The following CEP112 variants were observed in gnomAD, a reference collection of about 807,000 sequenced individuals.
The protein encoded by CEP112 is centrosomal protein 112, also known as centrosomal protein of 112 kDa.
In CEP112, 127 loss-of-function variants were observed where a neutral mutation model predicts 153.0. The ratio of observed to expected loss-of-function variants is 0.83; its 90% CI spans 0.72 to 0.96. The LOEUF (loss-of-function observed/expected upper bound fraction) is 0.96. CEP112 is among the 40% of genes least tolerant of loss of function. CEP112 has a pLI of 0.00. For missense variants in CEP112, 1,089 were observed against 1,101.2 expected, an observed-to-expected ratio of 0.99 and a Z score of 0.16; for synonymous variants, 358 against 374.4, an observed-to-expected ratio of 0.96 and a Z score of 0.51.
At chr17:65,785,118 A>G (rs572199433) in intron 21 of CEP112, among the ~76,000 whole-genome samples, 2 of 152,272 alleles carry the variant, frequency 1.3e-5, no homozygotes, top group East Asian at 1.9e-4. Flanking sequence ...TTCACTTAGC[A>G]TGTTTCCAAT....
At chr17:66,060,176 G>A (rs772697725) in intron 11 of CEP112, among the ~76,000 whole-genome samples, 3 of 152,060 alleles carry the variant, frequency 2.0e-5, no homozygotes, top group Admixed American at 6.6e-5. Flanking sequence ...ACTACTGTTG[G>A]GCACTATGCT....
chr17:65,689,346 C>T, intron 23 of CEP112, 128 bp from the exon 24 acceptor site: 1 of 613,100 alleles, frequency 1.6e-6, no homozygotes, highest in Non-Finnish European at 2.8e-6. Context: ...AGCATTCAGG[C>T]AAACAATACC....
At chr17:66,144,261 C>A (rs190187863) in intron 4 of CEP112, among the ~76,000 whole-genome samples, 1 of 152,264 alleles carries the variant, frequency 6.6e-6, no homozygotes, top group Admixed American at 6.5e-5. Context: ...AGTCAACTTA[C>A]CTCTTCCTCC....
chr17:66,100,267 G>A (rs1188518013), intron 6 of CEP112, among the ~76,000 whole-genome samples: 2 of 152,012 alleles, frequency 1.3e-5, no homozygotes, highest in African/African-American at 4.8e-5. Context: ...GGGCGTGGTG[G>A]TGGCAGCCTG....
chr17:66,120,946 A>C (rs2069551177), intron 6 of CEP112, among the ~76,000 whole-genome samples: 1 of 152,158 alleles, frequency 6.6e-6, no homozygotes, highest in South Asian at 2.1e-4. Flanking sequence ...TTAGATTCAT[A>C]ATTTAGAACT....
At chr17:65,879,276 G>C (rs964378343) in intron 20 of CEP112, among the ~76,000 whole-genome samples, 8 of 152,184 alleles carry the variant, frequency 5.3e-5, no homozygotes, top group African/African-American at 1.9e-4. Context: ...ACAGCACCAA[G>C]AGGACAGGTG....
chr17:65,867,703 A>G (rs992692729), intron 20 of CEP112, among the ~76,000 whole-genome samples: 2 of 152,160 alleles, frequency 1.3e-5, no homozygotes, highest in African/African-American at 4.8e-5. Context: ...ATTCTAAATA[A>G]TAAGGAGTTT....
intron 8 of CEP112, among the ~76,000 whole-genome samples, chr17:66,081,270 G>A (rs1333130404): frequency 1.3e-5 from 2 of 152,144 alleles, no homozygotes; most frequent in Non-Finnish European, 2.9e-5. Flanking sequence ...TTTCAAAGAT[G>A]CAGGTATTAA....
chr17:65,766,530 T>C (rs1169270891), intron 21 of CEP112, among the ~76,000 whole-genome samples: 2 of 151,972 alleles, frequency 1.3e-5, no homozygotes, highest in Non-Finnish European at 2.9e-5. Flanking sequence ...CAGTAGTAAG[T>C]CCTTAAATGT....
At chr17:66,037,237 CAA>C (rs2065775902) in intron 12 of CEP112, among the ~76,000 whole-genome samples, 1 of 152,010 alleles carries the variant, frequency 6.6e-6, no homozygotes, top group Non-Finnish European at 1.5e-5. Context: ...TTAATAAAGT[CAA>C]AAGTTATCAG....
intron 6 of CEP112, among the ~76,000 whole-genome samples, chr17:66,106,717 A>T (rs896597737): frequency 2.0e-5 from 3 of 152,106 alleles, no homozygotes; most frequent in African/African-American, 4.8e-5. Flanking sequence ...TCGAAAATTT[A>T]AAAAAGAACT....
rs570869425 is a variant in CEP112 at position 65,784,900 on chromosome 17, C to A, written c.2395-34176G>T. On this transcript the variant is annotated intron_variant, in intron 21 of 26. Coordinates refer to ENST00000535342, the MANE Select transcript of CEP112 (RefSeq NM_001199165.4). ...TCATAGATCTGTACATTTATCACCA[C>A]GACAAAATTCTAGAATATTTTCATC... Among the ~76,000 whole-genome samples, 8 of 152,118 alleles carry A rather than the reference C, an allele frequency of 5.3e-5. No individual in the cohort carries two copies. The South Asian group carries it at 1.2e-3, about 24-fold the overall frequency.
At chr17:66,141,427 C>A (rs564850534) in intron 4 of CEP112, among the ~76,000 whole-genome samples, 1 of 149,412 alleles carries the variant, frequency 6.7e-6, no homozygotes, top group Non-Finnish European at 1.5e-5. Context: ...GGTAAAAATA[C>A]ACAACATGAG....
intron 21 of CEP112, among the ~76,000 whole-genome samples, chr17:65,846,313 A>G (rs927646229): frequency 6.6e-6 from 1 of 152,240 alleles, no homozygotes; most frequent in Non-Finnish European, 1.5e-5. Flanking sequence ...AAATTTTAAA[A>G]AATTTGTGTA....
At chr17:65,803,480 G>A (rs2055401835) in intron 21 of CEP112, among the ~76,000 whole-genome samples, 1 of 152,166 alleles carries the variant, frequency 6.6e-6, no homozygotes, top group Non-Finnish European at 1.5e-5. Flanking sequence ...TAAAACAAAA[G>A]TATCTCAAAT....
At chr17:65,655,315 C>G (rs1204559248) in intron 24 of CEP112, 2 of 1,543,340 alleles carry the variant, frequency 1.3e-6, no homozygotes, top group African/African-American at 1.4e-5. Flanking sequence ...GACACTACAG[C>G]TGGATTTCTC....
intron 8 of CEP112, among the ~76,000 whole-genome samples, chr17:66,082,955 T>C (rs1654383163): frequency 6.6e-6 from 1 of 152,112 alleles, no homozygotes; most frequent in Non-Finnish European, 1.5e-5. Flanking sequence ...TTCTGAACAA[T>C]ATGAATTTAA....
intron 23 of CEP112, among the ~76,000 whole-genome samples, chr17:65,728,640 T>G (rs1203336062): frequency 1.3e-5 from 2 of 152,180 alleles, no homozygotes; most frequent in African/African-American, 4.8e-5. Flanking sequence ...GTACAGCATG[T>G]TACTATACTG....
intron 17 of CEP112, among the ~76,000 whole-genome samples, chr17:65,992,980 GGTTA>G (rs2063651364): frequency 6.6e-6 from 1 of 152,062 alleles, no homozygotes; most frequent in Non-Finnish European, 1.5e-5. Flanking sequence ...AGGATGTGCA[GGTTA>G]GTTACATATG....
Sources: allele counts gnomAD v4.1 joint callset (sites outside exome capture counted in the v4.1 genomes callset), GRCh38; gene constraint gnomAD v4.1.1; transcripts MANE v1.5; gene names NCBI Gene and HGNC (gene_info 2026-07-23, HGNC 2026-07-21).